AKT3: variants seen among roughly 807,000 people sequenced by gnomAD.
The protein encoded by AKT3 is RAC-gamma serine/threonine-protein kinase.
AKT3 carries 15 observed loss-of-function variants against 65.3 expected under a neutral mutation model. That is an observed-to-expected ratio of 0.23 (90% CI 0.15 to 0.35). The LOEUF is 0.35. Ranked by LOEUF, AKT3 falls within the 10% of genes least tolerant of loss-of-function variation. The pLI, the probability that AKT3 is intolerant of heterozygous loss-of-function variation, is 1.00. For missense variants in AKT3, 243 were observed against 576.5 expected, an observed-to-expected ratio of 0.42 and a Z score of 5.92; for synonymous variants, 206 against 183.8, an observed-to-expected ratio of 1.12 and a Z score of -0.98.
intron 2 of AKT3, among the ~76,000 whole-genome samples, chr1:243,804,008 G>A (rs1215906600): frequency 1.3e-5 from 2 of 152,210 alleles, no homozygotes; most frequent in Admixed American, 6.5e-5. Flanking sequence ...TGAAGCCATG[G>A]CAGGTGGAAA....
At chr1:243,545,277 GA>G (rs898514143) in intron 12 of AKT3, among the ~76,000 whole-genome samples, 13 of 152,030 alleles carry the variant, frequency 8.6e-5, no homozygotes, top group African/African-American at 2.2e-4. Flanking sequence ...ATTATTATGG[GA>G]AAAAAATAGA....
intron 2 of AKT3, among the ~76,000 whole-genome samples, chr1:243,795,471 T>TG (rs1558817960): frequency 4.9e-5 from 5 of 102,350 alleles, no homozygotes; most frequent in African/African-American, 1.5e-4. Flanking sequence ...TGTTTTTTTT[T>TG]TTTGGTTTTT....
At chr1:243,731,284 T>A (rs1687550109) in intron 2 of AKT3, among the ~76,000 whole-genome samples, 1 of 152,188 alleles carries the variant, frequency 6.6e-6, no homozygotes, top group Non-Finnish European at 1.5e-5. Flanking sequence ...TCCATACGTT[T>A]AAGATAAATG....
intron 3 of AKT3, among the ~76,000 whole-genome samples, chr1:243,672,620 T>A (rs1162542498): frequency 1.3e-5 from 2 of 152,214 alleles, no homozygotes; most frequent in African/African-American, 4.8e-5. Context: ...ATTGTGACAT[T>A]TTAATTATCA....
chr1:243,807,398 G>T (rs1692809047), intron 2 of AKT3, among the ~76,000 whole-genome samples: 1 of 152,240 alleles, frequency 6.6e-6, no homozygotes, highest in African/African-American at 2.4e-5. Context: ...CCCATGCCTG[G>T]CTCGGAGGGT....
rs566943310 is a variant in AKT3 at position 243,721,461 on chromosome 1, A to G, written c.47-25745T>C. On this transcript the variant is annotated intron_variant, in intron 2 of 13. Coordinates refer to ENST00000673466, the MANE Select transcript of AKT3 (RefSeq NM_005465.7). Reference sequence around the variant, plus strand: ...ACTGAAAAATGGATAGTTGTCCCATATGTTTGGGGTCTTCACTCTGAAGGC... The same window carrying G: ...ACTGAAAAATGGATAGTTGTCCCATGTGTTTGGGGTCTTCACTCTGAAGGC... 3.3e-5 allele frequency among the ~76,000 whole-genome samples: 5 copies of G among 152,210 alleles called. No individual in the cohort carries two copies. The South Asian group carries it at 1.0e-3, about 32-fold the overall frequency.
At chr1:243,498,343 T>C (rs1307198799), downstream of AKT3, among the ~76,000 whole-genome samples, 1 of 152,204 alleles carries the variant, frequency 6.6e-6, no homozygotes, top group Admixed American at 6.5e-5. Context: ...GGACTCCTCA[T>C]GGGCCACTCA....
chr1:243,610,272 T>C (rs1292092015), intron 8 of AKT3, among the ~76,000 whole-genome samples: 2 of 152,218 alleles, frequency 1.3e-5, no homozygotes, highest in African/African-American at 4.8e-5. Context: ...CCTGAGGGAA[T>C]GTTCATCCAT....
At chr1:243,586,967 G>T (rs1194568893) in intron 8 of AKT3, among the ~76,000 whole-genome samples, 1 of 152,052 alleles carries the variant, frequency 6.6e-6, no homozygotes, top group Middle Eastern at 3.4e-3. Context: ...AAATAAAATG[G>T]AGTATTTATA....
At chr1:243,512,140 T>G (rs1405909591) in intron 13 of AKT3, among the ~76,000 whole-genome samples, 184 bp downstream of exon 13, 1 of 152,240 alleles carries the variant, frequency 6.6e-6, no homozygotes, top group Non-Finnish European at 1.5e-5. Context: ...CTTTTGATAT[T>G]ACCACTGGGA....
intron 2 of AKT3, among the ~76,000 whole-genome samples, chr1:243,701,595 T>A (rs1685463311): frequency 6.7e-6 from 1 of 150,230 alleles, no homozygotes; most frequent in African/African-American, 2.4e-5. Context: ...TTCATTTAGT[T>A]CATTTAGAAT....
At chr1:243,654,122 C>G (rs970987039) in intron 4 of AKT3, among the ~76,000 whole-genome samples, 1 of 151,946 alleles carries the variant, frequency 6.6e-6, no homozygotes, top group South Asian at 2.1e-4. Context: ...AGCCTGGTAG[C>G]CATCATACTC....
intron 2 of AKT3, among the ~76,000 whole-genome samples, chr1:243,796,819 G>A: frequency 6.6e-6 from 1 of 152,100 alleles, no homozygotes; most frequent in East Asian, 1.9e-4. Flanking sequence ...AGGAGATGCG[G>A]ACATGTGCCA....
At position 243,528,228 on chromosome 1, in the gene AKT3, C is replaced by G. The variant is rs536547638; in HGVS notation, c.1252-15802G>C. On this transcript the variant is annotated intron_variant, in intron 12 of 13. Coordinates refer to ENST00000673466, the MANE Select transcript of AKT3 (RefSeq NM_005465.7). ...TCTATGTAGCTCCAATTTCACACTC[C>G]CTTTTGGATCATTCCTGAGTGTATG... 2.0e-5 allele frequency among the ~76,000 whole-genome samples: 3 copies of G among 152,232 alleles called. No individual in the cohort carries two copies. The East Asian group carries it at 5.8e-4, about 29-fold the overall frequency.
intron 2 of AKT3, among the ~76,000 whole-genome samples, chr1:243,774,683 T>C (rs1317656881): frequency 6.6e-6 from 1 of 152,236 alleles, no homozygotes; most frequent in African/African-American, 2.4e-5. Flanking sequence ...CTATTTGCTC[T>C]ATGCTTTCCC....
At chr1:243,588,126 T>C (rs1675935157) in intron 8 of AKT3, among the ~76,000 whole-genome samples, 1 of 152,102 alleles carries the variant, frequency 6.6e-6, no homozygotes, top group African/African-American at 2.4e-5. Flanking sequence ...AAGATAAACA[T>C]CAGATTTTGA....
chr1:243,636,430 T>C (rs1012634185), intron 6 of AKT3, among the ~76,000 whole-genome samples: 37 of 152,162 alleles, frequency 2.4e-4, no homozygotes, highest in African/African-American at 6.7e-4. Context: ...AAAACCTACC[T>C]GACATTATAC....
At chr1:243,538,067 A>G (rs935379686) in intron 12 of AKT3, among the ~76,000 whole-genome samples, 1 of 152,328 alleles carries the variant, frequency 6.6e-6, no homozygotes, top group Middle Eastern at 3.4e-3. Context: ...GTTAATGTGT[A>G]GCATTTTCAA....
At chr1:243,811,257 T>C (rs554449259) in intron 2 of AKT3, among the ~76,000 whole-genome samples, 1 of 152,306 alleles carries the variant, frequency 6.6e-6, no homozygotes, top group East Asian at 1.9e-4. Flanking sequence ...GATGACATGA[T>C]TGTATATCTA....
Sources: gnomAD v4.1 joint callset for allele counts (sites outside exome capture counted in the v4.1 genomes callset) on GRCh38, gnomAD v4.1.1 for gene constraint, MANE v1.5 for transcripts, NCBI Gene and HGNC (gene_info 2026-07-23, HGNC 2026-07-21) for gene names.